SDK2: variants seen among roughly 807,000 people sequenced by gnomAD.
The protein encoded by SDK2 is protein sidekick-2.
A neutral mutation model predicts 253.9 loss-of-function variants in SDK2; 105 were observed. The ratio of observed to expected loss-of-function variants is 0.41; its 90% CI spans 0.35 to 0.49. SDK2 has a LOEUF of 0.49. Among genes scored for constraint, SDK2 ranks in the 20% least tolerant of loss-of-function variants. The pLI is 0.06. For missense variants in SDK2, 2,608 were observed against 3,003.0 expected, an observed-to-expected ratio of 0.87 and a Z score of 3.07; for synonymous variants, 1,249 against 1,234.9, an observed-to-expected ratio of 1.01 and a Z score of -0.24.
At chr17:73,557,685 C>T (rs8067038) in intron 1 of SDK2, among the ~76,000 whole-genome samples, 34,203 of 152,040 alleles carry the variant, frequency 0.22, 4,429 homozygotes, top group East Asian at 0.47. Context: ...CTTTCTTTCC[C>T]TGCCTCCTAA....
chr17:73,475,800 T>C (rs2063682267), intron 2 of SDK2, among the ~76,000 whole-genome samples: 1 of 152,228 alleles, frequency 6.6e-6, no homozygotes, highest in Non-Finnish European at 1.5e-5. Context: ...TTGCTGTTCA[T>C]TGATACAGGC....
chr17:73,384,129 G>T (rs2270717), intron 32 of SDK2, 118 bp from the exon 33 acceptor site: 7 of 1,174,924 alleles, frequency 6.0e-6, no homozygotes, highest in East Asian at 2.6e-5. Context: ...ACCAGGAAAA[G>T]AAATCAAGAT....
chr17:73,423,897 C>T lies in SDK2; in HGVS notation c.1760+19G>A. The T allele has an allele frequency of 6.5e-7, 1 of 1,540,742 alleles. No homozygotes were observed. Among genetic ancestry groups the T allele is most frequent in the Non-Finnish European group, 8.8e-7 (1 of 1,139,830 alleles). On this transcript the variant is annotated intron_variant, in intron 13 of 44. Coordinates refer to ENST00000392650, the MANE Select transcript of SDK2 (RefSeq NM_001144952.2). ...TTGCCTGGACCGCCTCTGCCGGGGTCTGGGAGGGCTGCCCTTACCTGACTC... is the reference window on the plus strand; with the variant it reads ...TTGCCTGGACCGCCTCTGCCGGGGTTTGGGAGGGCTGCCCTTACCTGACTC...
rs10541030 is a variant in SDK2 at position 73,341,045 on chromosome 17, G to GT, written c.6166-2106dup. ...AGGCGTGAGCCACCGCGGCTGGTCT[G>GT]TTTTTTTTTTTTTTTTTTAAGAGAC... On this transcript the variant is annotated intron_variant, in intron 44 of 44. Transcript: ENST00000392650. Among the ~76,000 whole-genome samples the GT allele has an allele frequency of 6.8e-3, 896 of 131,686 alleles. 10 individuals are homozygous for GT. The highest frequency in any genetic ancestry group is 0.023 in the African/African-American group (828 of 36,106). The allele number at this position is 131,686 out of a possible 152,430, so 86.4% of individuals were successfully genotyped here.
chr17:73,338,502 G>T lies in SDK2; in HGVS notation c.*85C>A. The T allele has an allele frequency of 1.2e-6, 1 of 846,508 alleles. No individual in the cohort carries two copies. The highest frequency in any genetic ancestry group is 1.9e-6 in the Non-Finnish European group (1 of 535,534). The allele number at this position is 846,508 out of a possible 1,614,324, so 52.4% of individuals were successfully genotyped here. On this transcript the variant is annotated 3_prime_UTR_variant, in exon 45 of 45. Coordinates refer to ENST00000392650, the MANE Select transcript of SDK2 (RefSeq NM_001144952.2). The surrounding 1 kb of genome is among the most constrained non-coding windows in gnomAD (Gnocchi z 5.0). ...TGAAAAGTTGACTTGGTTTCTTGGT[G>T]TTTTTGTTTTCTGGCAGGCAGTGAG...
chr17:73,638,848 T>C (rs1374142220), intron 1 of SDK2, among the ~76,000 whole-genome samples: 3 of 150,270 alleles, frequency 2.0e-5, no homozygotes, highest in Non-Finnish European at 4.4e-5. Context: ...CTCGCTCTGT[T>C]GTGTAGGCTG....
intron 44 of SDK2, among the ~76,000 whole-genome samples, chr17:73,344,849 C>T (rs1197263992): frequency 6.6e-6 from 1 of 152,122 alleles, no homozygotes; most frequent in Non-Finnish European, 1.5e-5. Context: ...CAGAACATAA[C>T]CCTGCTCCAG....
Position 73,398,371 on chromosome 17 carries a change from G to A in SDK2, c.3152C>T (p.Pro1051Leu). The part of the protein sequence containing the change: ...WLLIHQLSNE[P>L]DARSMEVPDL... ...GGGCACCTCCATGGAGCGGGCATCG[G>A]GCTCATTGGAGAGCTGGTGGATCAG... Residue 1051 changes from proline (P) to leucine (L), a missense_variant, in exon 23 of 45, where the codon CCC (proline) becomes CTC (leucine). Pro to Leu is a moderately conservative substitution (Grantham distance 98). Transcript: ENST00000392650. 6.2e-7 allele frequency: 1 copy of A among 1,613,992 alleles called. No homozygotes were observed.
At chr17:73,411,548 G>C (rs1035680283) in intron 18 of SDK2, among the ~76,000 whole-genome samples, 1 of 152,006 alleles carries the variant, frequency 6.6e-6, no homozygotes, top group African/African-American at 2.4e-5. Context: ...GCATCCTTCC[G>C]TCTGCCCCAC....
intron 36 of SDK2, among the ~76,000 whole-genome samples, chr17:73,373,601 T>C (rs2062753886): frequency 6.6e-6 from 1 of 152,232 alleles, no homozygotes; most frequent in Admixed American, 6.5e-5. Context: ...TGCATTTCCC[T>C]GATGCTGAGC....
At position 73,344,225 on chromosome 17, in the gene SDK2, T is replaced by C. The variant is rs185647289; in HGVS notation, c.6165+4374A>G. ...TCTCCCAAGAATGTCCTTTGAAAAA[T>C]GTCAGCTCAGAAGCAATGTCATATG... On this transcript the variant is annotated intron_variant, in intron 44 of 44. Transcript: ENST00000392650. Among the ~76,000 whole-genome samples the C allele has an allele frequency of 9.9e-4, 150 of 152,230 alleles. 1 individual carries two copies. Among genetic ancestry groups the C allele is most frequent in the African/African-American group, 3.6e-3 (148 of 41,528 alleles).
chr17:73,429,037 C>T (rs2063305944), intron 12 of SDK2, among the ~76,000 whole-genome samples: 1 of 152,180 alleles, frequency 6.6e-6, no homozygotes, highest in Non-Finnish European at 1.5e-5. Context: ...CATTATGCAT[C>T]AGTAACTGTC....
chr17:73,588,405 A>AAG (rs2045635577), intron 1 of SDK2, among the ~76,000 whole-genome samples: 2 of 146,088 alleles, frequency 1.4e-5, no homozygotes, highest in African/African-American at 4.9e-5. Flanking sequence ...AAAAAAAAAA[A>AAG]AAAAAAAGAA....
At position 73,352,026 on chromosome 17, in the gene SDK2, G is replaced by A. The variant is rs766921031; in HGVS notation, c.5758+447C>T. The stretch of plus-strand genomic sequence containing the variant: ...AAGAATGAGGGGAGGAAAATGGGAG[G>A]GGTGGTGACCCTGCTGCACCCAGGC... On this transcript the variant is annotated intron_variant, in intron 41 of 44. Transcript: ENST00000392650. The surrounding 1 kb of genome is among the most constrained non-coding windows in gnomAD (Gnocchi z 4.1). 2.6e-5 allele frequency among the ~76,000 whole-genome samples: 4 copies of A among 152,048 alleles called. No individual in the cohort carries two copies. Among genetic ancestry groups the A allele is most frequent in the Non-Finnish European group, 5.9e-5 (4 of 68,022 alleles).
In SDK2 at chr17:73,501,336, C is replaced by T. The variant is rs532202785; in HGVS notation, c.224+6102G>A. ...TAAGTTTTGTGTTCTTCCTCCCCCC[C>T]ACCACCTGTCCCCAGCACATGCCCC... is the stretch of plus-strand genomic sequence containing the variant. On this transcript the variant is annotated intron_variant, in intron 2 of 44. Transcript: ENST00000392650. Among the ~76,000 whole-genome samples the T allele has an allele frequency of 2.4e-3, 364 of 149,194 alleles. 3 individuals are homozygous for T. Among genetic ancestry groups the T allele is most frequent in the African/African-American group, 8.5e-3 (343 of 40,394 alleles).
At chr17:73,592,789 GC>G (rs2045701426) in intron 1 of SDK2, among the ~76,000 whole-genome samples, 1 of 152,166 alleles carries the variant, frequency 6.6e-6, no homozygotes, top group South Asian at 2.1e-4. Flanking sequence ...TCCAGGGAGA[GC>G]CTATTGTAAC....
At chr17:73,386,007 C>T in intron 31 of SDK2, 90 bp from the exon 32 acceptor site, 1 of 933,716 alleles carries the variant, frequency 1.1e-6, no homozygotes, top group Non-Finnish European at 1.6e-6. Flanking sequence ...TAATACTGGA[C>T]TGCGGGGCAG....
chr17:73,362,983 C>T (rs1026815415), intron 38 of SDK2, among the ~76,000 whole-genome samples: 4 of 152,208 alleles, frequency 2.6e-5, no homozygotes, highest in African/African-American at 7.2e-5. Flanking sequence ...TTTGTTCTGC[C>T]GAGTGAGGGT....
At chr17:73,369,359 G>T in intron 36 of SDK2, 1 of 269,500 alleles carries the variant, frequency 3.7e-6, no homozygotes, top group Non-Finnish European at 7.8e-6. Context: ...CGCTGCACCA[G>T]CAGCTGCTGG....
Sources: gnomAD v4.1 joint callset for allele counts (sites outside exome capture counted in the v4.1 genomes callset) on GRCh38, gnomAD v4.1.1 for gene constraint, Gnocchi (gnomAD v3.1) non-coding constraint, MANE v1.5 for transcripts, NCBI Gene and HGNC (gene_info 2026-07-23, HGNC 2026-07-21) for gene names.